The following DLGAP2 variants were observed in gnomAD, a reference collection of about 807,000 sequenced individuals.
DLGAP2 encodes DLG associated protein 2.
DLGAP2 carries 26 observed loss-of-function variants against 100.3 expected under a neutral mutation model. The ratio of observed to expected loss-of-function variants is 0.26; its 90% CI spans 0.19 to 0.36. The LOEUF is 0.36. Ranked by LOEUF, DLGAP2 falls within the 10% of genes least tolerant of loss-of-function variation. The probability of loss-of-function intolerance (pLI) is 1.00; values close to 1 mark genes in which losing one functional copy is unlikely to be tolerated. For synonymous variants in DLGAP2, 886 were observed against 630.1 expected, an observed-to-expected ratio of 1.41 and a Z score of -6.08; for missense variants, 1,858 against 1,453.2, an observed-to-expected ratio of 1.28 and a Z score of -4.53.
At chr8:1,232,401 T>C (rs954204823) in intron 2 of DLGAP2, among the ~76,000 whole-genome samples, 1 of 152,226 alleles carries the variant, frequency 6.6e-6, no homozygotes, top group Non-Finnish European at 1.5e-5. Context: ...TCCAGGTCTC[T>C]GCCCCATCCC....
At chr8:802,058 T>TCCGCACTCCTC (rs1563039172) in intron 1 of DLGAP2, among the ~76,000 whole-genome samples, 1 of 149,814 alleles carries the variant, frequency 6.7e-6, no homozygotes, top group African/African-American at 2.5e-5. Context: ...TGGGGAACAG[T>TCCGCACTCCTC]CTGCACCCCT....
chr8:1,389,357 C>A (rs1268045871), intron 3 of DLGAP2, among the ~76,000 whole-genome samples: 1 of 151,776 alleles, frequency 6.6e-6, no homozygotes, highest in Non-Finnish European at 1.5e-5. Context: ...GCTGCAGCAT[C>A]CCGGGGAAGC....
At chr8:1,119,498 C>T (rs1341337058) in intron 2 of DLGAP2, among the ~76,000 whole-genome samples, 3 of 152,198 alleles carry the variant, frequency 2.0e-5, no homozygotes, top group East Asian at 1.9e-4. Flanking sequence ...CATTGCTTCT[C>T]GCAGTTCAGC....
intron 2 of DLGAP2, among the ~76,000 whole-genome samples, chr8:1,226,752 C>T (rs1443261308): frequency 1.3e-5 from 2 of 151,908 alleles, no homozygotes; most frequent in African/African-American, 2.4e-5. Flanking sequence ...AACTGTTGAA[C>T]GTTTGTGTAA....
At chr8:1,126,625 C>G (rs1212834321) in intron 2 of DLGAP2, among the ~76,000 whole-genome samples, 3 of 151,768 alleles carry the variant, frequency 2.0e-5, no homozygotes, top group African/African-American at 7.3e-5. Context: ...AGTAGGGTCT[C>G]GGGGTGATCA....
intron 12 of DLGAP2, among the ~76,000 whole-genome samples, chr8:1,690,318 T>A (rs1230192276): frequency 6.6e-6 from 1 of 151,742 alleles, no homozygotes; most frequent in Non-Finnish European, 1.5e-5. Context: ...ATGACGCCAC[T>A]GCAGTCCAGC....
chr8:1,307,913 T>A (rs565932703), intron 3 of DLGAP2, among the ~76,000 whole-genome samples: 2 of 151,234 alleles, frequency 1.3e-5, no homozygotes, highest in East Asian at 3.9e-4. Context: ...GAGTTTCACA[T>A]GAGGAAAAGG....
intron 3 of DLGAP2, among the ~76,000 whole-genome samples, chr8:1,343,162 G>A (rs1801457797): frequency 6.6e-6 from 1 of 152,176 alleles, no homozygotes. Flanking sequence ...CTCAGGATAT[G>A]CCAGAAGGAC....
chr8:1,569,810 G>A (rs1802579290), intron 6 of DLGAP2, among the ~76,000 whole-genome samples: 1 of 151,544 alleles, frequency 6.6e-6, no homozygotes, highest in African/African-American at 2.4e-5. Context: ...TGGAGGGCAG[G>A]GTAGATCTTC....
intron 6 of DLGAP2, among the ~76,000 whole-genome samples, chr8:1,573,001 C>A (rs1178454530): frequency 7.4e-5 from 4 of 53,752 alleles, no homozygotes; most frequent in Non-Finnish European, 1.0e-4. Context: ...GGGGCGTCTT[C>A]TGGGATGGAG....
chr8:1,346,006 G>T (rs10110205), intron 3 of DLGAP2, among the ~76,000 whole-genome samples: 32,749 of 152,168 alleles, frequency 0.22, 4,064 homozygotes, highest in Admixed American at 0.3. Context: ...ACCAGCTCCT[G>T]TGTCCAGTGC....
At chr8:998,315 C>CAGAT (rs749140468) in intron 2 of DLGAP2, among the ~76,000 whole-genome samples, 1 of 152,132 alleles carries the variant, frequency 6.6e-6, no homozygotes, top group Non-Finnish European at 1.5e-5. Context: ...TTTATCTAGA[C>CAGAT]AGATAGACAG....
intron 3 of DLGAP2, among the ~76,000 whole-genome samples, chr8:1,473,362 C>T (rs540116835): frequency 2.2e-4 from 33 of 152,320 alleles, no homozygotes; most frequent in Middle Eastern, 3.4e-3. Context: ...ATGAGAGGAA[C>T]GGAGAACGGA....
At chr8:1,343,898 G>T (rs1239179207) in intron 3 of DLGAP2, among the ~76,000 whole-genome samples, 3 of 152,186 alleles carry the variant, frequency 2.0e-5, no homozygotes, top group Non-Finnish European at 4.4e-5. Context: ...CTTCTCACGG[G>T]TGCGAGCTCC....
chr8:1,684,103 T>C (rs1322463994), intron 12 of DLGAP2, among the ~76,000 whole-genome samples: 1 of 150,782 alleles, frequency 6.6e-6, no homozygotes, highest in Non-Finnish European at 1.5e-5. Flanking sequence ...TGCTTCAGCC[T>C]CCTGAGTAGC....
At chr8:1,356,352 A>G (rs900746625) in intron 3 of DLGAP2, among the ~76,000 whole-genome samples, 11 of 152,244 alleles carry the variant, frequency 7.2e-5, no homozygotes, top group African/African-American at 2.4e-4. Context: ...ACAAATCCTC[A>G]TTTTCTAGAT....
chr8:1,106,887 T>C (rs553572867), intron 2 of DLGAP2, among the ~76,000 whole-genome samples: 16 of 152,282 alleles, frequency 1.1e-4, no homozygotes, highest in African/African-American at 3.6e-4. Flanking sequence ...ATAGAACCAT[T>C]TGGACTCTGT....
intron 2 of DLGAP2, among the ~76,000 whole-genome samples, chr8:1,080,563 G>A (rs1174331581): frequency 6.6e-6 from 1 of 152,134 alleles, no homozygotes; most frequent in Non-Finnish European, 1.5e-5. Context: ...TCTGAAGTGG[G>A]GTGGGAAAGC....
chr8:758,805 A>G (rs924696333), intron 1 of DLGAP2, among the ~76,000 whole-genome samples: 1 of 151,778 alleles, frequency 6.6e-6, no homozygotes, highest in Non-Finnish European at 1.5e-5. Context: ...CAAGTGATCT[A>G]CCCGCCTCAG....
Sources: allele counts gnomAD v4.1 joint callset (sites outside exome capture counted in the v4.1 genomes callset), GRCh38; gene constraint gnomAD v4.1.1; transcripts MANE v1.5; gene names NCBI Gene and HGNC (gene_info 2026-07-23, HGNC 2026-07-21).